The following AGBL1 variants were observed in gnomAD, a reference collection of about 807,000 sequenced individuals.
The protein encoded by AGBL1 is cytosolic carboxypeptidase 4.
AGBL1 carries 130 observed loss-of-function variants against 118.9 expected under a neutral mutation model. That is an observed-to-expected ratio of 1.09 (90% CI 0.95 to 1.26). The LOEUF (loss-of-function observed/expected upper bound fraction) is 1.26. Ranked by LOEUF, AGBL1 falls within the 50% of genes most tolerant of loss-of-function variation. The pLI, the probability that AGBL1 is intolerant of heterozygous loss-of-function variation, is 0.00. For missense variants in AGBL1, 1,584 were observed against 1,298.1 expected (o/e 1.22, Z -3.38); for synonymous variants, 555 against 478.9 (o/e 1.16, Z -2.08).
intron 4 of AGBL1, among the ~76,000 whole-genome samples, chr15:86,157,463 G>A (rs1325252535): frequency 6.6e-6 from 1 of 152,172 alleles, no homozygotes; most frequent in Non-Finnish European, 1.5e-5. Flanking sequence ...AAATATAATG[G>A]TTATGGAGAT....
intron 21 of AGBL1, among the ~76,000 whole-genome samples, chr15:86,659,686 G>T (rs114058876): frequency 0.013 from 1,973 of 152,224 alleles, 40 homozygotes; most frequent in African/African-American, 0.045. Flanking sequence ...AAGTAAGAAC[G>T]AGACAGCTAA....
At chr15:86,681,610 G>T (rs1469498508) in intron 22 of AGBL1, among the ~76,000 whole-genome samples, 1 of 151,928 alleles carries the variant, frequency 6.6e-6, no homozygotes, top group Non-Finnish European at 1.5e-5. Flanking sequence ...ATTTTCTTTT[G>T]GTCTATTCAT....
intron 5 of AGBL1, among the ~76,000 whole-genome samples, chr15:86,211,961 G>T (rs911007532): frequency 6.6e-6 from 1 of 152,016 alleles, no homozygotes; most frequent in Admixed American, 6.5e-5. Context: ...GTTCCTATTC[G>T]GCCATCTTGG....
At chr15:86,270,237 C>T (rs1222933904) in intron 14 of AGBL1, among the ~76,000 whole-genome samples, 170 bp downstream of exon 14, 9 of 152,138 alleles carry the variant, frequency 5.9e-5, no homozygotes. Flanking sequence ...CACACTGCTA[C>T]TTTAGAGGGG....
At chr15:86,785,088 A>G (rs1405672052) in intron 22 of AGBL1, among the ~76,000 whole-genome samples, 1 of 152,186 alleles carries the variant, frequency 6.6e-6, no homozygotes, top group East Asian at 1.9e-4. Flanking sequence ...GTTACTGCAG[A>G]GGAAACCTCA....
At chr15:86,964,164 T>G (rs16978127) in intron 23 of AGBL1, among the ~76,000 whole-genome samples, 5,393 of 151,974 alleles carry the variant, frequency 0.035, 318 homozygotes, top group African/African-American at 0.12. Flanking sequence ...AGTGCTGGAA[T>G]TAGGGACCAA....
At chr15:86,394,276 A>G (rs1000199857) in intron 17 of AGBL1, among the ~76,000 whole-genome samples, 3 of 152,106 alleles carry the variant, frequency 2.0e-5, no homozygotes, top group Admixed American at 6.6e-5. Context: ...ATAATTTCAG[A>G]ATTCGTTTTA....
At chr15:86,239,636 A>G (rs966301832) in intron 6 of AGBL1, among the ~76,000 whole-genome samples, 1 of 152,152 alleles carries the variant, frequency 6.6e-6, no homozygotes, top group African/African-American at 2.4e-5. Flanking sequence ...ACCATAGGCT[A>G]TTTATTTGGG....
At chr15:86,809,315 A>C (rs1033948178) in intron 22 of AGBL1, among the ~76,000 whole-genome samples, 1 of 152,110 alleles carries the variant, frequency 6.6e-6, no homozygotes, top group Non-Finnish European at 1.5e-5. Flanking sequence ...GACAAATATG[A>C]GGTTAGGAAA....
At chr15:86,467,148 C>A (rs2082417849) in intron 18 of AGBL1, among the ~76,000 whole-genome samples, 1 of 152,230 alleles carries the variant, frequency 6.6e-6, no homozygotes, top group South Asian at 2.1e-4. Flanking sequence ...GGGCTGCTGC[C>A]TTTCTTTCAG....
At chr15:87,001,261 C>G (rs961916031) in intron 24 of AGBL1, among the ~76,000 whole-genome samples, 1 of 151,518 alleles carries the variant, frequency 6.6e-6, no homozygotes, top group Non-Finnish European at 1.5e-5. Context: ...ACTTCCAACA[C>G]TATGTTGAAT....
intron 18 of AGBL1, among the ~76,000 whole-genome samples, chr15:86,436,705 T>C (rs73455649): frequency 0.013 from 1,922 of 152,334 alleles, 43 homozygotes; most frequent in African/African-American, 0.042. Flanking sequence ...ATTTCAAATT[T>C]ATTATTTTGC....
chr15:86,388,323 G>A (rs1807201060), intron 17 of AGBL1, among the ~76,000 whole-genome samples: 1 of 152,160 alleles, frequency 6.6e-6, no homozygotes, highest in Admixed American at 6.5e-5. Flanking sequence ...GGAAAAGAGA[G>A]ATGAAGGAGC....
rs564796511 is a variant in AGBL1, at chr15:86,923,814, T to A, written c.3222-64173T>A. Among the ~76,000 whole-genome samples the A allele has an allele frequency of 2.6e-5, 4 of 152,316 alleles. No homozygotes were observed. In the South Asian group the frequency reaches 6.2e-4, roughly 24 times the overall value. On this transcript the variant is annotated intron_variant, in intron 23 of 24. Transcript: ENST00000441037. Reference sequence around the variant, plus strand: ...TTTCCTCATTATATGAACTACCTAATTGAGGATTAACAAAGTTTAAAAACC... The same window carrying A: ...TTTCCTCATTATATGAACTACCTAAATGAGGATTAACAAAGTTTAAAAACC...
chr15:86,781,301 AG>A (rs756290768), intron 22 of AGBL1, among the ~76,000 whole-genome samples: 17 of 152,112 alleles, frequency 1.1e-4, no homozygotes, highest in Non-Finnish European at 2.2e-4. Context: ...TGCCTTCCGT[AG>A]GGTTAATCAA....
At chr15:86,788,731 G>T (rs916034122) in intron 22 of AGBL1, among the ~76,000 whole-genome samples, 37 of 152,188 alleles carry the variant, frequency 2.4e-4, no homozygotes, top group Non-Finnish European at 4.0e-4. Context: ...TAAGGATAAT[G>T]TCATGAAAAG....
At chr15:87,003,036 G>A (rs571195789) in intron 24 of AGBL1, among the ~76,000 whole-genome samples, 4 of 152,288 alleles carry the variant, frequency 2.6e-5, no homozygotes, top group South Asian at 2.1e-4. Context: ...TGATAAGAGA[G>A]GGCATCCCTG....
chr15:86,402,239 C>T (rs1216991622), intron 18 of AGBL1, among the ~76,000 whole-genome samples: 1 of 151,544 alleles, frequency 6.6e-6, no homozygotes, highest in East Asian at 1.9e-4. Flanking sequence ...GCAAAAGTGA[C>T]TGAGTTCTTG....
At chr15:86,093,296 T>G (rs914002723) in intron 1 of AGBL1, among the ~76,000 whole-genome samples, 1 of 152,194 alleles carries the variant, frequency 6.6e-6, no homozygotes, top group Non-Finnish European at 1.5e-5. Flanking sequence ...TACCTGCTAG[T>G]TGCAAGTTAA....
Sources: allele counts gnomAD v4.1 joint callset (sites outside exome capture counted in the v4.1 genomes callset), GRCh38; gene constraint gnomAD v4.1.1; transcripts MANE v1.5; gene names NCBI Gene and HGNC (gene_info 2026-07-23, HGNC 2026-07-21).